LARS2: variants seen among roughly 807,000 people sequenced by gnomAD.
LARS2 encodes leucyl-tRNA synthetase 2, mitochondrial, also known as leucine--tRNA ligase, mitochondrial.
In LARS2, 81 loss-of-function variants were observed where a neutral mutation model predicts 116.6. That is an observed-to-expected ratio of 0.69 (90% CI 0.58 to 0.84). The LOEUF is 0.84. LARS2 is among the 40% of genes least tolerant of loss of function. The pLI is 0.00. For synonymous variants in LARS2, 396 were observed against 407.2 expected (o/e 0.97, Z 0.33); for missense variants, 968 against 1,114.5 (o/e 0.87, Z 1.87).
At chr3:45,492,296 A>G (rs1271265061) in intron 13 of LARS2, among the ~76,000 whole-genome samples, 1 of 152,196 alleles carries the variant, frequency 6.6e-6, no homozygotes, top group East Asian at 1.9e-4. Flanking sequence ...CTGAAGCACC[A>G]TGGTTCCTTT....
intron 13 of LARS2, among the ~76,000 whole-genome samples, chr3:45,492,497 ATTTT>A (rs1357639906): frequency 1.3e-5 from 2 of 152,204 alleles, no homozygotes; most frequent in Non-Finnish European, 1.5e-5. Flanking sequence ...TTATAAAATA[ATTTT>A]GTATTCTGCC....
chr3:45,445,407 T>C (rs78325946), intron 6 of LARS2, among the ~76,000 whole-genome samples: 5,959 of 152,244 alleles, frequency 0.039, 143 homozygotes, highest in Middle Eastern at 0.096. Flanking sequence ...TGAGGATGAA[T>C]TTGGAGGTTT....
chr3:45,499,441 CA>C (rs1180648315), intron 14 of LARS2, among the ~76,000 whole-genome samples: 2 of 150,178 alleles, frequency 1.3e-5, no homozygotes, highest in Non-Finnish European at 3.0e-5. Flanking sequence ...GACTCCGTCT[CA>C]AAAAGAAAAT....
chr3:45,474,868 G>A (rs1251775580), intron 9 of LARS2, among the ~76,000 whole-genome samples: 2 of 152,134 alleles, frequency 1.3e-5, no homozygotes, highest in Non-Finnish European at 2.9e-5. Flanking sequence ...CAGATTAAAA[G>A]CCAGGGAAGC....
At position 45,394,441 on chromosome 3, in the gene LARS2, C is replaced by A. The variant is rs774651149; in HGVS notation, c.-13C>A. 6.2e-7 allele frequency: 1 copy of A among 1,605,340 alleles called. No individual in the cohort carries two copies. Among genetic ancestry groups the A allele is most frequent in the Admixed American group, 1.7e-5 (1 of 59,972 alleles). On this transcript the variant is annotated 5_prime_UTR_variant, in exon 3 of 22. Transcript: ENST00000645846. ...TCTGCCCTCTTTTTCAGGGCCTTCT[C>A]ACCTTCTGAAGAATGGCTTCTGTTT... is the stretch of plus-strand genomic sequence containing the variant.
At chr3:45,444,115 C>T (rs1205589166) in intron 6 of LARS2, among the ~76,000 whole-genome samples, 4 of 151,336 alleles carry the variant, frequency 2.6e-5, no homozygotes, top group African/African-American at 9.7e-5. Flanking sequence ...CGCCCTTCTC[C>T]TGCCTCAGCC....
intron 4 of LARS2, among the ~76,000 whole-genome samples, chr3:45,409,442 C>T (rs1006740970): frequency 4.6e-5 from 7 of 152,034 alleles, no homozygotes; most frequent in East Asian, 1.9e-4. Context: ...TTGATCTGAA[C>T]GGTGCATGAG....
At chr3:45,511,426 T>A (rs762900673) in intron 15 of LARS2, among the ~76,000 whole-genome samples, 58 of 152,158 alleles carry the variant, frequency 3.8e-4, no homozygotes, top group Non-Finnish European at 7.9e-4. Context: ...GAGGAGACAG[T>A]GCCTAGAAGC....
chr3:45,496,527 C>G (rs1359898802), intron 14 of LARS2, among the ~76,000 whole-genome samples, 154 bp downstream of exon 14: 8 of 152,132 alleles, frequency 5.3e-5, no homozygotes. Context: ...AGAGAGTGCT[C>G]TTAGACCACG....
intron 7 of LARS2, among the ~76,000 whole-genome samples, chr3:45,448,592 TTTA>T (rs199641968): frequency 0.037 from 5,603 of 152,316 alleles, 138 homozygotes; most frequent in Middle Eastern, 0.095. Flanking sequence ...TACCCACATA[TTTA>T]TTAACAGAAA....
chr3:45,472,064 G>A (rs1329981642), intron 8 of LARS2, among the ~76,000 whole-genome samples: 1 of 152,172 alleles, frequency 6.6e-6, no homozygotes, highest in African/African-American at 2.4e-5. Context: ...AAGCCAAGGA[G>A]GAATTGATTA....
At chr3:45,435,502 T>C (rs1164473618) in intron 6 of LARS2, among the ~76,000 whole-genome samples, 1 of 152,222 alleles carries the variant, frequency 6.6e-6, no homozygotes, top group Non-Finnish European at 1.5e-5. Context: ...TGTCTAAAAG[T>C]TTTCTATCTT....
intron 8 of LARS2, among the ~76,000 whole-genome samples, chr3:45,459,766 C>G (rs1339711326): frequency 6.6e-6 from 1 of 152,210 alleles, no homozygotes; most frequent in Admixed American, 6.5e-5. Flanking sequence ...TAGGGACATT[C>G]ACATGGCAAT....
chr3:45,477,290 G>C (rs1476970725), intron 10 of LARS2, among the ~76,000 whole-genome samples: 2 of 152,230 alleles, frequency 1.3e-5, no homozygotes, highest in Non-Finnish European at 2.9e-5. Context: ...CCCGTTGCTA[G>C]AGGAACAGCT....
intron 9 of LARS2, 42 bp downstream of exon 9, chr3:45,474,392 TCTC>T (rs1318439706): frequency 5.3e-6 from 7 of 1,327,474 alleles, no homozygotes; most frequent in Non-Finnish European, 7.5e-6. Flanking sequence ...TGATCACAAA[TCTC>T]CTCTACATTT....
intron 20 of LARS2, among the ~76,000 whole-genome samples, chr3:45,528,867 C>T (rs1700572881): frequency 2.4e-5 from 2 of 83,618 alleles, no homozygotes; most frequent in Admixed American, 3.6e-4. Context: ...TACTTTTCTA[C>T]AACATCTTTT....
chr3:45,480,217 A>G (rs1167699404), intron 10 of LARS2, among the ~76,000 whole-genome samples: 1 of 152,226 alleles, frequency 6.6e-6, no homozygotes, highest in African/African-American at 2.4e-5. Flanking sequence ...AAAAACAGGT[A>G]TCTTTGCTTT....
chr3:45,395,443 C>T (rs1384410723), intron 3 of LARS2, among the ~76,000 whole-genome samples: 2 of 152,248 alleles, frequency 1.3e-5, no homozygotes, highest in South Asian at 2.1e-4. Context: ...GGCCAGCTTG[C>T]TGGGAATCAG....
intron 6 of LARS2, among the ~76,000 whole-genome samples, chr3:45,439,210 C>CTTTTTTTTTTT (rs575140221): frequency 3.2e-5 from 2 of 62,458 alleles, no homozygotes; most frequent in African/African-American, 1.3e-4. Flanking sequence ...GAAACTCTGG[C>CTTTTTTTTTTT]TTTTTTTTTT....
Sources: gnomAD v4.1 joint callset for allele counts (sites outside exome capture counted in the v4.1 genomes callset) on GRCh38, gnomAD v4.1.1 for gene constraint, MANE v1.5 for transcripts, NCBI Gene and HGNC (gene_info 2026-07-23, HGNC 2026-07-21) for gene names.